The following CSMD1 variants were observed in gnomAD, a reference collection of about 807,000 sequenced individuals.
CSMD1 encodes the protein CUB and sushi domain-containing protein 1.
Under a neutral mutation model 417.5 loss-of-function variants are expected in CSMD1, and 213 were observed. The observed-to-expected ratio is 0.51, with a 90% CI of 0.46 to 0.57. The LOEUF is 0.57. Among genes scored for constraint, CSMD1 ranks in the 20% least tolerant of loss-of-function variants. The pLI, the probability that CSMD1 is intolerant of heterozygous loss-of-function variation, is 0.00. For synonymous variants in CSMD1, 2,862 were observed against 1,736.8 expected (o/e 1.65, Z -16.11); for missense variants, 6,923 against 4,529.7 (o/e 1.53, Z -15.17).
chr8:4,036,175 C>T (rs1797607364), intron 3 of CSMD1, among the ~76,000 whole-genome samples: 1 of 152,150 alleles, frequency 6.6e-6, no homozygotes, highest in Admixed American at 6.5e-5. Context: ...TGTAAGTGTG[C>T]TCTGTGATGT....
chr8:3,234,987 A>C (rs1486318553), intron 26 of CSMD1, among the ~76,000 whole-genome samples: 3 of 152,330 alleles, frequency 2.0e-5, no homozygotes, highest in Admixed American at 6.5e-5. Context: ...ATCTGAATGA[A>C]CTTCCCATCT....
chr8:3,884,719 G>C (rs1223288293), intron 5 of CSMD1, among the ~76,000 whole-genome samples: 4 of 152,026 alleles, frequency 2.6e-5, no homozygotes, highest in African/African-American at 9.7e-5. Context: ...AAATGTCCAT[G>C]ATTGGCCTTA....
intron 4 of CSMD1, among the ~76,000 whole-genome samples, chr8:4,009,707 A>T (rs893913921): frequency 6.6e-6 from 1 of 152,130 alleles, no homozygotes; most frequent in Non-Finnish European, 1.5e-5. Flanking sequence ...GGCCACAAAG[A>T]GTTGGTGGTC....
At chr8:4,345,084 A>G (rs1800703857) in intron 3 of CSMD1, among the ~76,000 whole-genome samples, 1 of 152,172 alleles carries the variant, frequency 6.6e-6, no homozygotes, top group African/African-American at 2.4e-5. Flanking sequence ...GGGCTTAGAA[A>G]GAGGAGAAAT....
intron 1 of CSMD1, chr8:4,788,514 T>C: frequency 1.4e-6 from 2 of 1,412,672 alleles, no homozygotes; most frequent in Non-Finnish European, 2.0e-6. Context: ...TGGAGCAAAC[T>C]GTGAGCAAGC....
In CSMD1 at chr8:3,300,981, AGAG is replaced by A. The variant is rs1220898145; in HGVS notation, c.3950+6711_3950+6713del. Among the ~76,000 whole-genome samples, 768 of 140,008 alleles carry A rather than the reference AGAG, an allele frequency of 5.5e-3. 7 individuals are homozygous for A. Among genetic ancestry groups the A allele is most frequent in the South Asian group, 0.022 (94 of 4,226 alleles). The allele number at this position is 140,008 out of a possible 152,430, so 91.9% of individuals were successfully genotyped here. On this transcript the variant is annotated intron_variant, in intron 25 of 69. Coordinates refer to ENST00000635120, the MANE Select transcript of CSMD1 (RefSeq NM_033225.6). ...CTCAAAAAAAAAAAAAAAAAAAAAA[AGAG>A]AAAGAAAAATTAGAAATGGTATAAA...
chr8:4,067,629 C>T (rs1426102840), intron 3 of CSMD1, among the ~76,000 whole-genome samples: 1 of 152,152 alleles, frequency 6.6e-6, no homozygotes, highest in Non-Finnish European at 1.5e-5. Context: ...AATGACCCTA[C>T]ATAAACTGAT....
intron 10 of CSMD1, among the ~76,000 whole-genome samples, chr8:3,569,218 G>C (rs988863384): frequency 6.6e-6 from 1 of 152,082 alleles, no homozygotes; most frequent in African/African-American, 2.4e-5. Context: ...TCTTCTAAAA[G>C]TTTTAGATTT....
At chr8:4,953,824 G>A (rs13272409) in intron 1 of CSMD1, among the ~76,000 whole-genome samples, 160 of 152,008 alleles carry the variant, frequency 1.1e-3, no homozygotes, top group African/African-American at 3.7e-3. Context: ...ATCTGCCACA[G>A]GAAGAATTAT....
intron 26 of CSMD1, among the ~76,000 whole-genome samples, chr8:3,257,640 T>C (rs2117069700): frequency 6.6e-6 from 1 of 152,188 alleles, no homozygotes; most frequent in Admixed American, 6.5e-5. Context: ...GAATCAGCCT[T>C]GCGGGTACCT....
At chr8:4,460,406 A>C (rs1799741854) in intron 2 of CSMD1, among the ~76,000 whole-genome samples, 1 of 152,158 alleles carries the variant, frequency 6.6e-6, no homozygotes, top group Non-Finnish European at 1.5e-5. Context: ...AAATAGCCTC[A>C]CCTTCCACCT....
rs543030673 is a variant in CSMD1, at chr8:3,846,228, A to G, written c.819-92186T>C. ...CTATACGTTTGTTGCCACCAGCATC[A>G]TCACAGATACGTCCACAATGCACCA... is the stretch of plus-strand genomic sequence containing the variant. On this transcript the variant is annotated intron_variant, in intron 5 of 69. Coordinates refer to ENST00000635120, the MANE Select transcript of CSMD1 (RefSeq NM_033225.6). Among the ~76,000 whole-genome samples, 6 of 152,316 alleles carry G rather than the reference A, an allele frequency of 3.9e-5. No homozygotes were observed. The East Asian group carries it at 9.6e-4, about 24-fold the overall frequency.
At chr8:3,332,797 C>G (rs764960125) in intron 23 of CSMD1, among the ~76,000 whole-genome samples, 2 of 152,200 alleles carry the variant, frequency 1.3e-5, no homozygotes, top group Non-Finnish European at 2.9e-5. Context: ...ATGCCCTCAC[C>G]TCCTGCTGCT....
chr8:4,417,524 A>C (rs67965769), intron 3 of CSMD1, among the ~76,000 whole-genome samples: 6,992 of 152,136 alleles, frequency 0.046, 196 homozygotes, highest in East Asian at 0.1. Flanking sequence ...TTAAATAAAA[A>C]AACATGAATT....
intron 4 of CSMD1, among the ~76,000 whole-genome samples, chr8:4,029,564 A>C (rs902147501): frequency 6.6e-6 from 1 of 152,130 alleles, no homozygotes; most frequent in African/African-American, 2.4e-5. Context: ...ATTACCTCCC[A>C]CTGGCTTCCT....
chr8:4,454,764 A>G (rs1033336980), intron 2 of CSMD1, among the ~76,000 whole-genome samples: 5 of 152,240 alleles, frequency 3.3e-5, no homozygotes, highest in African/African-American at 1.2e-4. Context: ...AGAATGTCTG[A>G]AATAGCCATT....
intron 3 of CSMD1, among the ~76,000 whole-genome samples, chr8:4,286,408 T>C (rs139358943): frequency 1.4e-4 from 21 of 152,288 alleles, no homozygotes; most frequent in African/African-American, 4.6e-4. Flanking sequence ...TCAGTTAACA[T>C]GAGACAGAGA....
At chr8:3,838,143 C>T (rs992216592) in intron 5 of CSMD1, among the ~76,000 whole-genome samples, 7 of 152,068 alleles carry the variant, frequency 4.6e-5, no homozygotes, top group African/African-American at 1.4e-4. Flanking sequence ...ATATCAGAGT[C>T]CTATACTAAG....
intron 5 of CSMD1, among the ~76,000 whole-genome samples, chr8:3,911,373 A>AAAAAT: frequency 6.6e-6 from 1 of 151,870 alleles, no homozygotes; most frequent in Non-Finnish European, 1.5e-5. Context: ...CTAAAAATAC[A>AAAAAT]AAAAATTAGC....
Sources: gnomAD v4.1 joint callset for allele counts (sites outside exome capture counted in the v4.1 genomes callset) on GRCh38, gnomAD v4.1.1 for gene constraint, MANE v1.5 for transcripts, NCBI Gene and HGNC (gene_info 2026-07-23, HGNC 2026-07-21) for gene names.